Variants in EPCAM observed in about 807,000 individuals in gnomAD.
EPCAM encodes the protein epithelial cell adhesion molecule, also known as adenocarcinoma-associated antigen.
A neutral mutation model predicts 40.0 loss-of-function variants in EPCAM; 39 were observed. That is an observed-to-expected ratio of 0.98 (90% CI 0.76 to 1.27). The LOEUF is 1.27. Ranked by LOEUF, EPCAM falls within the 50% of genes most tolerant of loss-of-function variation. The pLI is 0.00. For synonymous variants in EPCAM, 168 were observed against 132.3 expected, an observed-to-expected ratio of 1.27 and a Z score of -1.85; for missense variants, 503 against 381.2, an observed-to-expected ratio of 1.32 and a Z score of -2.66.
chr2:47,377,631 A>T, intron 5 of EPCAM: 1 of 286,936 alleles, frequency 3.5e-6, no homozygotes, highest in Non-Finnish European at 7.2e-6. Flanking sequence ...TATCCCTAAA[A>T]CATTTGAGTT....
At chr2:47,373,202 C>CT (rs1325389148) in intron 1 of EPCAM, among the ~76,000 whole-genome samples, 1 of 63,182 alleles carries the variant, frequency 1.6e-5, no homozygotes, top group Non-Finnish European at 2.8e-5. Context: ...GAGACCCTAT[C>CT]TTTAAAAAAA....
chr2:47,377,997 C>A (rs972079032), intron 5 of EPCAM, among the ~76,000 whole-genome samples: 4 of 151,988 alleles, frequency 2.6e-5, no homozygotes. Flanking sequence ...CTTTGGGAGG[C>A]CGAGGCAGGT....
intron 3 of EPCAM, among the ~76,000 whole-genome samples, chr2:47,374,323 ATT>A (rs1285756819): frequency 6.6e-6 from 1 of 152,062 alleles, no homozygotes; most frequent in African/African-American, 2.4e-5. Context: ...ACTAGGTATA[ATT>A]TTTCTTTTAT....
At chr2:47,374,548 C>G (rs997742756) in intron 3 of EPCAM, among the ~76,000 whole-genome samples, 1 of 152,140 alleles carries the variant, frequency 6.6e-6, no homozygotes, top group East Asian at 1.9e-4. Flanking sequence ...GATGTCAGGA[C>G]CAAAGTGGGC....
intron 4 of EPCAM, among the ~76,000 whole-genome samples, chr2:47,376,195 G>T (rs1671418946): frequency 6.7e-6 from 1 of 150,224 alleles, no homozygotes. Context: ...TTTTTAAAGA[G>T]CATGGGCAAG....
chr2:47,369,743 C>G, intron 1 of EPCAM, 162 bp downstream of exon 1: 1 of 797,970 alleles, frequency 1.3e-6, no homozygotes, highest in Non-Finnish European at 2.2e-6. Context: ...CTCAGGCCCT[C>G]CGCGCGGTAG....
Position 47,386,610 on chromosome 2 carries a change from A to T in EPCAM, c.942A>T (p.Ala314=). 6.2e-7 allele frequency: 1 copy of T among 1,600,996 alleles called. No individual in the cohort carries two copies. Among genetic ancestry groups the T allele is most frequent in the East Asian group, 2.2e-5 (1 of 44,774 alleles). The change falls in exon 9 of 9, where the codon GCA becomes GCT. Residue 314 remains alanine, a synonymous_variant. Transcript: ENST00000263735. The part of the protein sequence containing the change: ...EMGEMHRELN[A] ...GTGAGATGCATAGGGAACTCAATGC[A>T]TAACTATATAATTTGAAGATTATAG...
rs1671748792 is a variant in EPCAM, at chr2:47,386,606, A to G, written c.938A>G (p.Asn313Ser). The stretch of plus-strand genomic sequence containing the variant: ...ATGGGTGAGATGCATAGGGAACTCA[A>G]TGCATAACTATATAATTTGAAGATT... ...KEMGEMHREL[N>S]A is the part of the protein sequence containing the mutation. Residue 313 changes from asparagine to serine, a missense_variant, in exon 9 of 9, where the codon AAT becomes AGT. Transcript: ENST00000263735. The G allele has an allele frequency of 3.7e-6, 6 of 1,603,182 alleles. No individual in the cohort carries two copies. The highest frequency in any genetic ancestry group is 4.3e-6 in the Non-Finnish European group (5 of 1,170,780).
At chr2:47,378,656 A>C (rs532816916) in intron 5 of EPCAM, among the ~76,000 whole-genome samples, 1 of 152,268 alleles carries the variant, frequency 6.6e-6, no homozygotes, top group East Asian at 1.9e-4. Flanking sequence ...TCCAAATAAA[A>C]TACTTTCATA....
chr2:47,372,990 G>A (rs539509094), intron 1 of EPCAM, among the ~76,000 whole-genome samples: 1 of 152,050 alleles, frequency 6.6e-6, no homozygotes, highest in South Asian at 2.1e-4. Flanking sequence ...AGGATTGCTT[G>A]AGGCCAGGAG....
At chr2:47,378,087 C>T (rs1054083112) in intron 5 of EPCAM, among the ~76,000 whole-genome samples, 19 of 151,734 alleles carry the variant, frequency 1.3e-4, no homozygotes, top group African/African-American at 3.6e-4. Flanking sequence ...ACAAAATAGC[C>T]GAATGTGGTG....
chr2:47,384,006 C>G (rs1025842417), intron 7 of EPCAM, among the ~76,000 whole-genome samples: 4 of 151,456 alleles, frequency 2.6e-5, no homozygotes, highest in African/African-American at 9.7e-5. Flanking sequence ...TTCTGTTGTC[C>G]CATTGGATCC....
At chr2:47,380,049 A>G (rs1671548429) in intron 7 of EPCAM, 80 bp downstream of exon 7, 4 of 1,547,522 alleles carry the variant, frequency 2.6e-6, no homozygotes, top group South Asian at 2.4e-5. Context: ...GCGGTGGCTC[A>G]CCACACCTGT....
rs544020786 is a variant in EPCAM, at chr2:47,385,783, T to C, written c.903+573T>C. 1.6e-3 allele frequency among the ~76,000 whole-genome samples: 239 copies of C among 152,300 alleles called. No individual in the cohort carries two copies. The highest frequency in any genetic ancestry group is 6.8e-3 in the Middle Eastern group (2 of 294). On this transcript the variant is annotated intron_variant, in intron 8 of 8. Coordinates refer to ENST00000263735, the MANE Select transcript of EPCAM (RefSeq NM_002354.3). ...GGCCACTTACTAATATTTTAGCAAGTAATAAAAATAGAAACGTAAAGGAAT... is the reference window on the plus strand; with the variant it reads ...GGCCACTTACTAATATTTTAGCAAGCAATAAAAATAGAAACGTAAAGGAAT...
rs987978690 is a variant in EPCAM, at chr2:47,371,421, G to A, written c.76+1840G>A. ...GATTACAGGCATGAGCCACCGGTCC[G>A]GCATCTCTTGGTTTATTTGTAAGAT... On this transcript the variant is annotated intron_variant, in intron 1 of 8. Transcript: ENST00000263735. 9.9e-5 allele frequency among the ~76,000 whole-genome samples: 15 copies of A among 152,252 alleles called. 1 individual carries two copies. The South Asian group carries it at 2.5e-3, about 25-fold the overall frequency.
chr2:47,382,512 C>A (rs776163418), intron 7 of EPCAM, among the ~76,000 whole-genome samples: 1 of 152,068 alleles, frequency 6.6e-6, no homozygotes, highest in African/African-American at 2.4e-5. Context: ...CACGGAGAAA[C>A]CCCGTCTCTA....
At chr2:47,379,503 T>C (rs1469944383) in intron 6 of EPCAM, among the ~76,000 whole-genome samples, 1 of 152,178 alleles carries the variant, frequency 6.6e-6, no homozygotes, top group African/African-American at 2.4e-5. Flanking sequence ...GAAGAAAAGA[T>C]GAAGTAAGAG....
intron 1 of EPCAM, 73 bp from the exon 2 acceptor site, chr2:47,373,390 C>A: frequency 1.1e-6 from 1 of 931,624 alleles, no homozygotes; most frequent in Non-Finnish European, 1.7e-6. Context: ...ATTATTATTA[C>A]AATATAACTT....
At chr2:47,383,898 A>C (rs1671666460) in intron 7 of EPCAM, among the ~76,000 whole-genome samples, 1 of 151,540 alleles carries the variant, frequency 6.6e-6, no homozygotes, top group Admixed American at 6.6e-5. Context: ...CGGCCTCCCA[A>C]AGTGCTGTGA....
Sources: gnomAD v4.1 joint callset for allele counts (sites outside exome capture counted in the v4.1 genomes callset) on GRCh38, gnomAD v4.1.1 for gene constraint, MANE v1.5 for transcripts, NCBI Gene and HGNC (gene_info 2026-07-23, HGNC 2026-07-21) for gene names.